DENND3: variants seen among roughly 807,000 people sequenced by gnomAD.
The protein encoded by DENND3 is DENN domain containing 3.
A neutral mutation model predicts 135.1 loss-of-function variants in DENND3; 88 were observed. The observed-to-expected ratio is 0.65, with a 90% CI of 0.55 to 0.78. DENND3 has a LOEUF of 0.78. Ranked by LOEUF, DENND3 falls within the 30% of genes least tolerant of loss-of-function variation. The probability of loss-of-function intolerance (pLI) is 0.00; values close to 1 mark genes in which losing one functional copy is unlikely to be tolerated. For missense variants in DENND3, 1,392 were observed against 1,688.4 expected, an observed-to-expected ratio of 0.82 and a Z score of 3.08; for synonymous variants, 693 against 712.3, an observed-to-expected ratio of 0.97 and a Z score of 0.43.
At chr8:141,149,180 G>A (rs1818497950) in intron 5 of DENND3, among the ~76,000 whole-genome samples, 1 of 152,212 alleles carries the variant, frequency 6.6e-6, no homozygotes, top group African/African-American at 2.4e-5. Context: ...AAAGTGCTGG[G>A]ATTATAGGCA....
At chr8:141,190,496 C>T (rs1420919126) in intron 20 of DENND3, 79 bp downstream of exon 20, 3 of 1,468,020 alleles carry the variant, frequency 2.0e-6, no homozygotes, top group Admixed American at 2.4e-5. Flanking sequence ...GAGCAGAAAG[C>T]CTCTTTCCTT....
At chr8:141,190,568 C>A in intron 20 of DENND3, 151 bp downstream of exon 20, 1 of 1,215,788 alleles carries the variant, frequency 8.2e-7, no homozygotes, top group Non-Finnish European at 1.1e-6. Flanking sequence ...TCGCAGCAAC[C>A]TTTACTCCAC....
rs7015760 is a variant in DENND3 at position 141,137,860 on chromosome 8, C to T, written c.386-162C>T. ...TGGGGAGGGACTCAGGGAGGATAGA[C>T]GGCCGGAGGCGTGATCGGAAGAATG... On this transcript the variant is annotated intron_variant, in intron 2 of 22. Coordinates refer to ENST00000519811, the MANE Select transcript of DENND3 (RefSeq NM_001352890.3). The surrounding 1 kb of genome is among the most constrained non-coding windows in gnomAD (Gnocchi z 4.1). Among the ~76,000 whole-genome samples, 859 of 152,308 alleles carry T rather than the reference C, an allele frequency of 5.6e-3. 9 individuals are homozygous for T. Among genetic ancestry groups the T allele is most frequent in the African/African-American group, 0.019 (784 of 41,566 alleles).
rs970813914 is a variant in DENND3 at position 141,194,306 on chromosome 8, G to A, written c.*73G>A. ...GGCTGCCCCCTAGAGCCTGCCAGGA[G>A]CAGAAGCCTGGAGGGGTGGCAGGGC... On this transcript the variant is annotated 3_prime_UTR_variant, in exon 23 of 23. Transcript: ENST00000519811. 2 of 1,539,868 alleles carry A rather than the reference G, an allele frequency of 1.3e-6. No individual in the cohort carries two copies. Among genetic ancestry groups the A allele is most frequent in the African/African-American group, 2.7e-5 (2 of 74,066 alleles).
At chr8:141,140,949 T>C (rs1323518083) in intron 3 of DENND3, among the ~76,000 whole-genome samples, 1 of 152,236 alleles carries the variant, frequency 6.6e-6, no homozygotes, top group East Asian at 1.9e-4. Flanking sequence ...TTCCTTTTTA[T>C]CTCAAGGCTG....
intron 1 of DENND3, among the ~76,000 whole-genome samples, chr8:141,129,284 C>A (rs535598055): frequency 1.1e-4 from 16 of 152,338 alleles, no homozygotes; most frequent in Non-Finnish European, 2.1e-4. Flanking sequence ...GATGTGTTGT[C>A]CCCTGAGTAG....
chr8:141,149,254 G>C (rs924095504), intron 5 of DENND3, among the ~76,000 whole-genome samples: 1 of 152,190 alleles, frequency 6.6e-6, no homozygotes, highest in Non-Finnish European at 1.5e-5. Context: ...TACACAAATT[G>C]GTAACAAGAA....
chr8:141,180,388 C>T (rs1822937395), intron 16 of DENND3, among the ~76,000 whole-genome samples: 1 of 152,220 alleles, frequency 6.6e-6, no homozygotes, highest in South Asian at 2.1e-4. Context: ...CTCCGCTTTG[C>T]TGGGCACTGT....
In DENND3 at chr8:141,128,859, G is replaced by A; in HGVS notation, c.102+50G>A. On this transcript the variant is annotated intron_variant, in intron 1 of 22. Transcript: ENST00000519811. This position sits in a 1 kb window ranked among gnomAD's most constrained non-coding sequence, Gnocchi z 4.5. The stretch of plus-strand genomic sequence containing the variant: ...GACGTGGGCCACGAGTCGGCAGCCG[G>A]GACAGCAGTCGGAGAGCGGGCGCCC... 1.5e-6 allele frequency: 2 copies of A among 1,307,352 alleles called. No homozygotes were observed. The highest frequency in any genetic ancestry group is 3.3e-5 in the Admixed American group (1 of 30,574). The allele number at this position is 1,307,352 out of a possible 1,614,324, so 81.0% of individuals were successfully genotyped here.
intron 1 of DENND3, among the ~76,000 whole-genome samples, chr8:141,136,263 G>A (rs190520017): frequency 1.3e-5 from 2 of 152,228 alleles, no homozygotes; most frequent in East Asian, 1.9e-4. Context: ...AGGAGGTGAG[G>A]TCCTGCTGTC....
intron 15 of DENND3, 141 bp from the exon 16 acceptor site, chr8:141,177,926 A>T (rs563002894): frequency 2.3e-5 from 25 of 1,090,264 alleles, no homozygotes; most frequent in South Asian, 1.4e-4. Context: ...ATAAAATCCA[A>T]ATTCATCCGT....
At chr8:141,171,501 G>A (rs1042154240) in intron 13 of DENND3, among the ~76,000 whole-genome samples, 4 of 152,234 alleles carry the variant, frequency 2.6e-5, no homozygotes, top group Admixed American at 1.3e-4. Context: ...ACCTAGCTGA[G>A]CAGGAACAGT....
rs1817788425 is a variant in DENND3, at chr8:141,144,272, T to C, written c.735+13T>C. On this transcript the variant is annotated intron_variant, in intron 5 of 22. Transcript: ENST00000519811. This position sits in a 1 kb window ranked among gnomAD's most constrained non-coding sequence, Gnocchi z 4.4. ...ACCGCTCCATTTGGTAAAGTATATCTGAAATTATATTGTTTTTTCTTTGCA... is the reference window on the plus strand; with the variant it reads ...ACCGCTCCATTTGGTAAAGTATATCCGAAATTATATTGTTTTTTCTTTGCA... 3 of 1,589,854 alleles carry C rather than the reference T, an allele frequency of 1.9e-6. No individual in the cohort carries two copies. In the South Asian group the frequency reaches 3.4e-5, roughly 18 times the overall value.
chr8:141,160,659 G>A lies in DENND3; in HGVS notation c.1224G>A (p.Glu408=), dbSNP rs747638653. 1 of 1,609,916 alleles carries A rather than the reference G, an allele frequency of 6.2e-7. No individual in the cohort carries two copies. Among genetic ancestry groups the A allele is most frequent in the East Asian group, 2.2e-5 (1 of 44,808 alleles). ...TGCAGAGCCTCCAGCTCCACCATGA[G>A]CTGCACGCCGCCCACCTCCTCTCCA... ...QRVQSLQLHH[E]LHAAHLLSST... Residue 408 remains glutamate (E), a synonymous_variant, in exon 9 of 23, where the codon GAG becomes GAA. Coordinates refer to ENST00000519811, the MANE Select transcript of DENND3 (RefSeq NM_001352890.3).
chr8:141,150,024 C>T (rs1440250379), intron 5 of DENND3, among the ~76,000 whole-genome samples: 1 of 152,208 alleles, frequency 6.6e-6, no homozygotes, highest in Non-Finnish European at 1.5e-5. Flanking sequence ...CCAGGTGTTC[C>T]CTTGATGGAG....
chr8:141,133,025 T>C (rs1259879320), intron 1 of DENND3, among the ~76,000 whole-genome samples: 2 of 152,188 alleles, frequency 1.3e-5, no homozygotes, highest in Admixed American at 1.3e-4. Flanking sequence ...AAAATACCAC[T>C]GGGCAGGGCC....
In DENND3 at chr8:141,177,088, C is replaced by A. The variant is rs558448319; in HGVS notation, c.2706+327C>A. 1.0e-5 allele frequency: 3 copies of A among 292,956 alleles called. No homozygotes were observed. In the East Asian group the frequency reaches 2.2e-4, roughly 22 times the overall value. The allele number at this position is 292,956 out of a possible 1,614,324, so 18.1% of individuals were successfully genotyped here. A position where few individuals can be genotyped will look rare whatever the true frequency, so the allele number is the denominator to read the frequency against. On this transcript the variant is annotated intron_variant, in intron 15 of 22. Transcript: ENST00000519811. ...GGGGGCGGACGGTGCTGGTGCTGTC[C>A]ACACCCGCAGGCCGGAGTTGGGTGT...
rs1822216157 is a variant in DENND3 at position 141,175,533 on chromosome 8, G to A, written c.2535+74G>A. The stretch of plus-strand genomic sequence containing the variant: ...GACAGATGGCTGGAGTGGGCCCTGA[G>A]CAGTCTGCCAGCCATGCCAAGTACC... On this transcript the variant is annotated intron_variant, in intron 14 of 22. Transcript: ENST00000519811. This position sits in a 1 kb window ranked among gnomAD's most constrained non-coding sequence, Gnocchi z 5.4. 9 of 1,608,972 alleles carry A rather than the reference G, an allele frequency of 5.6e-6. No individual in the cohort carries two copies. The highest frequency in any genetic ancestry group is 7.6e-6 in the Non-Finnish European group (9 of 1,178,904).
chr8:141,164,900 C>G (rs1018636229), intron 10 of DENND3, among the ~76,000 whole-genome samples: 2 of 152,244 alleles, frequency 1.3e-5, no homozygotes, highest in African/African-American at 4.8e-5. Context: ...TGAGCCTTGT[C>G]TACTGCCTTA....
Sources: gnomAD v4.1 joint callset for allele counts (sites outside exome capture counted in the v4.1 genomes callset) on GRCh38, gnomAD v4.1.1 for gene constraint, Gnocchi (gnomAD v3.1) non-coding constraint, MANE v1.5 for transcripts, NCBI Gene and HGNC (gene_info 2026-07-23, HGNC 2026-07-21) for gene names.